VAT1L: variants seen among roughly 807,000 people sequenced by gnomAD.
The protein encoded by VAT1L is putative NADPH-dependent quinone oxidoreductase VAT1L.
Under a neutral mutation model 44.1 loss-of-function variants are expected in VAT1L, and 34 were observed. The ratio of observed to expected loss-of-function variants is 0.77; its 90% CI spans 0.59 to 1.03. The LOEUF (loss-of-function observed/expected upper bound fraction) is 1.03. Among genes scored for constraint, VAT1L ranks in the 50% least tolerant of loss-of-function variants. The pLI, the probability that VAT1L is intolerant of heterozygous loss-of-function variation, is 0.00. For missense variants in VAT1L, 615 were observed against 538.8 expected (o/e 1.14, Z -1.40); for synonymous variants, 253 against 202.2 (o/e 1.25, Z -2.13).
intron 7 of VAT1L, among the ~76,000 whole-genome samples, chr16:77,932,225 T>A (rs1393755022): frequency 6.7e-6 from 1 of 150,176 alleles, no homozygotes; most frequent in Non-Finnish European, 1.5e-5. Context: ...TGCCTCAGCC[T>A]CCCAAGTAGC....
chr16:77,971,153 A>T (rs2018274051), intron 7 of VAT1L, among the ~76,000 whole-genome samples: 2 of 151,706 alleles, frequency 1.3e-5, no homozygotes, highest in East Asian at 1.9e-4. Flanking sequence ...CCCCATCCCC[A>T]CCTCAACAGT....
intron 7 of VAT1L, among the ~76,000 whole-genome samples, chr16:77,956,784 A>G (rs1014422102): frequency 3.3e-5 from 5 of 152,160 alleles, no homozygotes; most frequent in Non-Finnish European, 5.9e-5. Context: ...CGCAAATAGA[A>G]TCGCTCTTTT....
intron 7 of VAT1L, among the ~76,000 whole-genome samples, chr16:77,962,590 G>A (rs1229442620): frequency 1.3e-5 from 2 of 150,554 alleles, no homozygotes; most frequent in Non-Finnish European, 3.0e-5. Flanking sequence ...AATCCTATAA[G>A]GAAAGAAATA....
intron 7 of VAT1L, among the ~76,000 whole-genome samples, chr16:77,969,590 G>A (rs1462671221): frequency 6.6e-6 from 1 of 152,098 alleles, no homozygotes; most frequent in Non-Finnish European, 1.5e-5. Flanking sequence ...AAGAGTTAGA[G>A]AAAGAGGGAC....
At chr16:77,954,337 G>A (rs2018078098) in intron 7 of VAT1L, among the ~76,000 whole-genome samples, 2 of 152,240 alleles carry the variant, frequency 1.3e-5, no homozygotes, top group Admixed American at 1.3e-4. Flanking sequence ...GCAAAAAGTG[G>A]AATGTCAGGC....
intron 7 of VAT1L, among the ~76,000 whole-genome samples, chr16:77,894,758 T>A (rs998148450): frequency 6.6e-6 from 1 of 152,148 alleles, no homozygotes. Flanking sequence ...TATGCTAAGA[T>A]AGATATGCTA....
Position 77,826,185 on chromosome 16 carries a change from C to T in VAT1L, c.579+724C>T, listed in dbSNP as rs553683514. On this transcript the variant is annotated intron_variant, in intron 3 of 8. Transcript: ENST00000302536. ...TCCCGCCACTGCACTCCAGCCTGGG[C>T]GACAGAGCGAGACTCCGTCTCAAAA... Among the ~76,000 whole-genome samples the T allele has an allele frequency of 1.2e-3, 165 of 143,062 alleles. 1 individual carries two copies. The highest frequency in any genetic ancestry group is 3.7e-3 in the South Asian group (16 of 4,270). 93.9% of individuals were successfully genotyped at this position (143,062 alleles called of 152,430 possible).
chr16:77,895,047 C>G (rs1203108110), intron 7 of VAT1L, among the ~76,000 whole-genome samples: 5 of 150,014 alleles, frequency 3.3e-5, no homozygotes, highest in Non-Finnish European at 2.9e-5. Flanking sequence ...ACTTCTTTCC[C>G]TTAAGTGGAA....
intron 3 of VAT1L, among the ~76,000 whole-genome samples, chr16:77,839,892 T>C (rs115897786): frequency 6.6e-6 from 1 of 152,340 alleles, no homozygotes; most frequent in African/African-American, 2.4e-5. Context: ...TGATCTTCAA[T>C]GTCAACCCTG....
chr16:77,940,168 T>C (rs1200031978), intron 7 of VAT1L, among the ~76,000 whole-genome samples: 1 of 152,120 alleles, frequency 6.6e-6, no homozygotes, highest in Non-Finnish European at 1.5e-5. Flanking sequence ...CAAGCAAATC[T>C]TAGGGGTGGG....
chr16:77,858,931 T>A (rs907164995), intron 3 of VAT1L, among the ~76,000 whole-genome samples: 2 of 151,636 alleles, frequency 1.3e-5, no homozygotes, highest in African/African-American at 4.8e-5. Context: ...AGGTCAGGAG[T>A]TCGAGACCAG....
In VAT1L at chr16:77,938,887, C is replaced by CTT. The variant is rs147647154; in HGVS notation, c.1078-32959_1078-32958dup. Reference sequence around the variant, plus strand: ...ACTTTATATTAAAAGATCATCATTGCTTTTTCTAAAGAAGAGGCAGATAAA... The same window carrying CTT: ...ACTTTATATTAAAAGATCATCATTGCTTTTTTTCTAAAGAAGAGGCAGATAAA... On this transcript the variant is annotated intron_variant, in intron 7 of 8. Transcript: ENST00000302536. Among the ~76,000 whole-genome samples, 12 of 151,970 alleles carry CTT rather than the reference C, an allele frequency of 7.9e-5. 1 individual carries two copies. The highest frequency in any genetic ancestry group is 2.0e-4 in the Admixed American group (3 of 15,278).
chr16:77,794,298 A>C (rs1203328650), intron 1 of VAT1L, among the ~76,000 whole-genome samples: 5 of 152,198 alleles, frequency 3.3e-5, no homozygotes, highest in Non-Finnish European at 7.3e-5. Context: ...CTCCCACCCC[A>C]AAACGGCCAT....
chr16:77,945,463 A>G (rs543412712), intron 7 of VAT1L, among the ~76,000 whole-genome samples: 69 of 151,724 alleles, frequency 4.5e-4, no homozygotes, highest in African/African-American at 1.6e-3. Flanking sequence ...ATTTTTATAT[A>G]TATAGTTTTT....
chr16:77,967,077 T>C (rs446519), intron 7 of VAT1L, among the ~76,000 whole-genome samples: 49,692 of 151,960 alleles, frequency 0.33, 8,372 homozygotes, highest in Middle Eastern at 0.38. Context: ...CGGGGTGCTT[T>C]CACTTATAAA....
At chr16:77,946,279 C>CGTTTTTTTTTT (rs1223152362) in intron 7 of VAT1L, among the ~76,000 whole-genome samples, 12 of 70,422 alleles carry the variant, frequency 1.7e-4, no homozygotes, top group African/African-American at 5.8e-4. Context: ...GTTACTTGTT[C>CGTTTTTTTTTT]TTTTTTTTTT....
At chr16:77,975,391 T>C (rs1415511316) in intron 8 of VAT1L, among the ~76,000 whole-genome samples, 1 of 151,812 alleles carries the variant, frequency 6.6e-6, no homozygotes, top group Non-Finnish European at 1.5e-5. Flanking sequence ...TTTGTATTTT[T>C]AGTAGAGATG....
At chr16:77,951,133 G>T (rs2142523712) in intron 7 of VAT1L, among the ~76,000 whole-genome samples, 1 of 152,328 alleles carries the variant, frequency 6.6e-6, no homozygotes, top group East Asian at 1.9e-4. Context: ...TGGCTGCACT[G>T]GCTGTTCAAA....
chr16:77,943,083 G>A (rs1354205032), intron 7 of VAT1L, among the ~76,000 whole-genome samples: 2 of 149,620 alleles, frequency 1.3e-5, no homozygotes, highest in African/African-American at 4.9e-5. Context: ...TTGAGATGGA[G>A]TCTGCCTCTG....
Sources: gnomAD v4.1 joint callset for allele counts (sites outside exome capture counted in the v4.1 genomes callset) on GRCh38, gnomAD v4.1.1 for gene constraint, MANE v1.5 for transcripts, NCBI Gene and HGNC (gene_info 2026-07-23, HGNC 2026-07-21) for gene names.